KLF8: variants seen among roughly 807,000 people sequenced by gnomAD.
The protein encoded by KLF8 is Krueppel-like factor 8.
KLF8 carries 10 observed loss-of-function variants against 18.2 expected under a neutral mutation model. The ratio of observed to expected loss-of-function variants is 0.55; its 90% CI spans 0.34 to 0.93. KLF8 has a LOEUF of 0.93. Ranked by LOEUF, KLF8 falls within the 40% of genes least tolerant of loss-of-function variation. KLF8 has a pLI of 0.02. For missense variants in KLF8, 264 were observed against 277.9 expected (o/e 0.95, Z 0.36); for synonymous variants, 109 against 97.3 (o/e 1.12, Z -0.71).
the KLF8 span, among the ~76,000 whole-genome samples, chrX:56,039,571 A>G: frequency 9.0e-6 from 1 of 111,333 alleles, no homozygotes; most frequent in Non-Finnish European, 1.9e-5. Context: ...GTTATCTATT[A>G]TATTCCATTG....
At chrX:56,204,489 G>T in the KLF8 span, among the ~76,000 whole-genome samples, 4 of 111,434 alleles carry the variant, frequency 3.6e-5, no homozygotes, top group Admixed American at 3.8e-4. Context: ...GGGCCTCCTT[G>T]TTGTGTTACG....
chrX:55,936,912 G>A, the KLF8 span, among the ~76,000 whole-genome samples: 1 of 112,212 alleles, frequency 8.9e-6, no homozygotes, highest in Non-Finnish European at 1.9e-5. Flanking sequence ...CACAGCTCAA[G>A]GACCCTGCCT....
chrX:56,083,208 G>T, the KLF8 span, among the ~76,000 whole-genome samples: 2 of 111,201 alleles, frequency 1.8e-5, no homozygotes, highest in African/African-American at 6.5e-5. Flanking sequence ...TTATTTTTTT[G>T]TGATCAATGT....
chrX:56,201,141 C>G, the KLF8 span, among the ~76,000 whole-genome samples: 2 of 111,892 alleles, frequency 1.8e-5, no homozygotes, highest in African/African-American at 6.5e-5. Context: ...ATCAGGATCT[C>G]AAAGAGTATT....
At chrX:56,042,723 A>G in the KLF8 span, among the ~76,000 whole-genome samples, 57 of 111,084 alleles carry the variant, frequency 5.1e-4, no homozygotes, top group Non-Finnish European at 8.9e-4. Context: ...TTTTGAGCCT[A>G]TGTGTGTGTT....
the KLF8 span, among the ~76,000 whole-genome samples, chrX:56,106,594 T>C: frequency 1.9e-3 from 217 of 112,196 alleles, no homozygotes; most frequent in Non-Finnish European, 2.7e-3. Flanking sequence ...GCACTGTTTA[T>C]TCTAGTTAGC....
the KLF8 span, among the ~76,000 whole-genome samples, chrX:56,002,126 C>CACTCT: frequency 8.9e-6 from 1 of 111,878 alleles, no homozygotes; most frequent in Non-Finnish European, 1.9e-5. Context: ...CATCTTCTAT[C>CACTCT]ACTCTCTCTT....
At chrX:56,052,460 T>C in the KLF8 span, among the ~76,000 whole-genome samples, 2 of 112,161 alleles carry the variant, frequency 1.8e-5, no homozygotes, top group South Asian at 7.4e-4. Context: ...GTGGATGTCC[T>C]TTCTGTTTGT....
the KLF8 span, among the ~76,000 whole-genome samples, chrX:56,162,214 G>C: frequency 8.9e-6 from 1 of 112,165 alleles, no homozygotes; most frequent in Non-Finnish European, 1.9e-5. Flanking sequence ...ATACTTGGGG[G>C]TCATGGACCC....
the KLF8 span, among the ~76,000 whole-genome samples, chrX:55,981,232 T>A: frequency 8.9e-6 from 1 of 111,969 alleles, no homozygotes; most frequent in Non-Finnish European, 1.9e-5. Context: ...ATACCAACGT[T>A]CAAAAGTAGG....
the KLF8 span, among the ~76,000 whole-genome samples, chrX:56,206,589 C>A: frequency 8.9e-6 from 1 of 112,558 alleles, no homozygotes. Flanking sequence ...TATGCTGATG[C>A]AAGAGGTGGA....
chrX:56,026,446 G>T, the KLF8 span, among the ~76,000 whole-genome samples: 1 of 111,940 alleles, frequency 8.9e-6, no homozygotes, highest in South Asian at 3.7e-4. Flanking sequence ...GGAGGACTAT[G>T]ATATAATACT....
chrX:56,173,662 A>G, the KLF8 span, among the ~76,000 whole-genome samples: 5 of 111,828 alleles, frequency 4.5e-5, no homozygotes, highest in South Asian at 3.7e-4. Flanking sequence ...TGATGGGGAT[A>G]GCATTGAATC....
At chrX:56,041,013 T>C in the KLF8 span, among the ~76,000 whole-genome samples, 2 of 105,074 alleles carry the variant, frequency 1.9e-5, no homozygotes, top group African/African-American at 6.8e-5. Context: ...TCCAGGAATT[T>C]ATCCATTTCT....
At chrX:55,932,201 T>C in the KLF8 span, among the ~76,000 whole-genome samples, 1 of 110,725 alleles carries the variant, frequency 9.0e-6, no homozygotes, top group Non-Finnish European at 1.9e-5. Context: ...CCTGCTTTTT[T>C]TTTTCTTTCC....
At chrX:56,095,530 G>A in the KLF8 span, among the ~76,000 whole-genome samples, 1 of 111,456 alleles carries the variant, frequency 9.0e-6, no homozygotes, top group African/African-American at 3.3e-5. Flanking sequence ...CTACAGAATG[G>A]AAAATATATT....
At chrX:56,213,269 T>TTTTTC in the KLF8 span, among the ~76,000 whole-genome samples, 1 of 98,625 alleles carries the variant, frequency 1.0e-5, no homozygotes, top group African/African-American at 4.3e-5. Context: ...GACCTATTTC[T>TTTTTC]TTTTCTTTTG....
At chrX:55,992,523 G>A in the KLF8 span, among the ~76,000 whole-genome samples, 2 of 111,842 alleles carry the variant, frequency 1.8e-5, no homozygotes, top group East Asian at 2.8e-4. Context: ...ATTTAAGTCA[G>A]GTAGAGTGGT....
At chrX:56,101,741 A>T in the KLF8 span, among the ~76,000 whole-genome samples, 3 of 111,986 alleles carry the variant, frequency 2.7e-5, no homozygotes, top group African/African-American at 9.7e-5. Flanking sequence ...GGCTGATTGT[A>T]TGTCTTCTTT....
Sources: gnomAD v4.1 joint callset for allele counts (sites outside exome capture counted in the v4.1 genomes callset) on GRCh38, gnomAD v4.1.1 for gene constraint, MANE v1.5 for transcripts, NCBI Gene and HGNC (gene_info 2026-07-23, HGNC 2026-07-21) for gene names.